The following GRK5 variants were observed in gnomAD, a reference collection of about 807,000 sequenced individuals.
The protein encoded by GRK5 is G protein-coupled receptor kinase 5.
In GRK5, 40 loss-of-function variants were observed where a neutral mutation model predicts 78.4. The observed-to-expected ratio is 0.51, with a 90% confidence interval of 0.40 to 0.66. The LOEUF is 0.66. Ranked by LOEUF, GRK5 falls within the 30% of genes least tolerant of loss-of-function variation. GRK5 has a pLI of 0.00. For synonymous variants in GRK5, 289 were observed against 296.8 expected (o/e 0.97, Z 0.27); for missense variants, 598 against 759.9 (o/e 0.79, Z 2.50).
At chr10:119,321,433 G>A (rs1850583230) in intron 1 of GRK5, among the ~76,000 whole-genome samples, 1 of 152,184 alleles carries the variant, frequency 6.6e-6, no homozygotes, top group Non-Finnish European at 1.5e-5. Flanking sequence ...CCCTCTGGGG[G>A]CTCCGGGGAG....
intron 1 of GRK5, among the ~76,000 whole-genome samples, chr10:119,224,369 C>T (rs1284336646): frequency 6.7e-6 from 1 of 149,010 alleles, no homozygotes; most frequent in East Asian, 2.0e-4. Context: ...TCCAGTCACC[C>T]ACTATTTATT....
At chr10:119,429,624 C>T (rs1195715135) in intron 6 of GRK5, among the ~76,000 whole-genome samples, 2 of 151,388 alleles carry the variant, frequency 1.3e-5, no homozygotes, top group Non-Finnish European at 1.5e-5. Flanking sequence ...TCATAAATGG[C>T]TTTGGCTCAT....
At chr10:119,299,985 G>T (rs369546675) in intron 1 of GRK5, among the ~76,000 whole-genome samples, 1 of 151,958 alleles carries the variant, frequency 6.6e-6, no homozygotes. Context: ...GACAGGCCCC[G>T]GTGTGTGATG....
At chr10:119,212,315 C>T (rs1012461801) in intron 1 of GRK5, among the ~76,000 whole-genome samples, 1 of 152,244 alleles carries the variant, frequency 6.6e-6, no homozygotes, top group Non-Finnish European at 1.5e-5. Context: ...TAAATGCCCA[C>T]AAGGCTCTCA....
At chr10:119,343,264 TGA>T (rs58146681) in intron 2 of GRK5, among the ~76,000 whole-genome samples, 40 of 148,416 alleles carry the variant, frequency 2.7e-4, no homozygotes, top group Non-Finnish European at 3.5e-4. Flanking sequence ...AGTGAACAGA[TGA>T]GAGAGAGAGA....
At chr10:119,303,480 C>A (rs1224660170) in intron 1 of GRK5, among the ~76,000 whole-genome samples, 2 of 152,092 alleles carry the variant, frequency 1.3e-5, no homozygotes, top group Non-Finnish European at 2.9e-5. Flanking sequence ...TGAGCATGAG[C>A]CGCAAGGGTC....
rs979449256 is a variant in GRK5, at chr10:119,442,234, T to TG, written c.1057+152dup. ...AGAGTCACAGTCTCTGCAGGGCTGCTGGGGGGCGGCCTTAGCCAGGGGGAG... is the reference window on the plus strand; with the variant it reads ...AGAGTCACAGTCTCTGCAGGGCTGCTGGGGGGGCGGCCTTAGCCAGGGGGAG... On this transcript the variant is annotated intron_variant, in intron 11 of 15. Transcript: ENST00000392870. The TG allele has an allele frequency of 2.3e-5, 17 of 725,398 alleles. No homozygotes were observed. In the African/African-American group the frequency reaches 2.4e-4, roughly 10 times the overall value. 44.9% of individuals were successfully genotyped at this position (725,398 alleles called of 1,614,324 possible). A position where few individuals can be genotyped will look rare whatever the true frequency, so the allele number is the denominator to read the frequency against.
intron 2 of GRK5, among the ~76,000 whole-genome samples, chr10:119,337,125 T>C (rs1850903256): frequency 6.6e-6 from 1 of 152,222 alleles, no homozygotes; most frequent in Admixed American, 6.5e-5. Context: ...ACCAGGCTTT[T>C]ACCCAATTGG....
At chr10:119,438,905 T>A (rs1852978273) in intron 9 of GRK5, among the ~76,000 whole-genome samples, 1 of 152,264 alleles carries the variant, frequency 6.6e-6, no homozygotes, top group African/African-American at 2.4e-5. Flanking sequence ...CTGGCTGGAT[T>A]TGGGTACATT....
intron 4 of GRK5, among the ~76,000 whole-genome samples, chr10:119,402,325 G>C (rs1852164661): frequency 6.6e-6 from 1 of 152,110 alleles, no homozygotes; most frequent in African/African-American, 2.4e-5. Context: ...GCTCACAGAA[G>C]CTGGCCAGCG....
chr10:119,209,496 T>G (rs1438260107), intron 1 of GRK5, among the ~76,000 whole-genome samples: 1 of 55,474 alleles, frequency 1.8e-5, no homozygotes, highest in Non-Finnish European at 3.6e-5. Context: ...GGTTTTTTTT[T>G]TTTTTTTTTT....
intron 2 of GRK5, among the ~76,000 whole-genome samples, chr10:119,364,034 A>G (rs1406714748): frequency 6.6e-6 from 1 of 152,196 alleles, no homozygotes; most frequent in African/African-American, 2.4e-5. Context: ...AAGGAAGAAG[A>G]GTCCGGAGCT....
At chr10:119,419,113 C>T (rs1300523334) in intron 4 of GRK5, among the ~76,000 whole-genome samples, 2 of 152,174 alleles carry the variant, frequency 1.3e-5, no homozygotes, top group Non-Finnish European at 2.9e-5. Flanking sequence ...GTAGGGTTCC[C>T]CCCTCTCCCT....
At chr10:119,241,513 G>A (rs1013163403) in intron 1 of GRK5, among the ~76,000 whole-genome samples, 1 of 152,176 alleles carries the variant, frequency 6.6e-6, no homozygotes, top group African/African-American at 2.4e-5. Context: ...CACCTTTCAC[G>A]AAAATGAAGC....
At position 119,271,232 on chromosome 10, in the gene GRK5, C is replaced by G. The variant is rs1035895215; in HGVS notation, c.53-55284C>G. ...CCACATCCTCCACGCCCTTTGGGCG[C>G]TGGTCATTCAGAGAGGCCCTCTCAG... is the stretch of plus-strand genomic sequence containing the variant. On this transcript the variant is annotated intron_variant, in intron 1 of 15. Coordinates refer to ENST00000392870, the MANE Select transcript of GRK5 (RefSeq NM_005308.3). This position sits in a 1 kb window ranked among gnomAD's most constrained non-coding sequence, Gnocchi z 4.1. Among the ~76,000 whole-genome samples the G allele has an allele frequency of 6.6e-6, 1 of 152,210 alleles. No homozygotes were observed. The highest frequency in any genetic ancestry group is 1.5e-5 in the Non-Finnish European group (1 of 68,032).
chr10:119,418,657 G>A (rs1376623056), intron 4 of GRK5, among the ~76,000 whole-genome samples: 1 of 152,230 alleles, frequency 6.6e-6, no homozygotes, highest in Non-Finnish European at 1.5e-5. Context: ...AGGCATTCAT[G>A]GCGGGGACTT....
At chr10:119,348,922 A>G (rs1057422815) in intron 2 of GRK5, among the ~76,000 whole-genome samples, 1 of 152,172 alleles carries the variant, frequency 6.6e-6, no homozygotes, top group African/African-American at 2.4e-5. Flanking sequence ...CTCTGCTCAT[A>G]TCCTCGACCA....
intron 3 of GRK5, among the ~76,000 whole-genome samples, chr10:119,394,802 T>G (rs1852012576): frequency 6.7e-6 from 1 of 149,554 alleles, no homozygotes; most frequent in African/African-American, 2.5e-5. Flanking sequence ...TTTGGGTGTG[T>G]GGGTGTGTGT....
chr10:119,401,304 G>A (rs1852146103), intron 4 of GRK5, among the ~76,000 whole-genome samples: 1 of 152,194 alleles, frequency 6.6e-6, no homozygotes, highest in African/African-American at 2.4e-5. Flanking sequence ...CGTGCCTGAA[G>A]TTTTTATCTC....
Sources: gnomAD v4.1 joint callset for allele counts (sites outside exome capture counted in the v4.1 genomes callset) on GRCh38, gnomAD v4.1.1 for gene constraint, Gnocchi (gnomAD v3.1) non-coding constraint, MANE v1.5 for transcripts, NCBI Gene and HGNC (gene_info 2026-07-23, HGNC 2026-07-21) for gene names.